The following DLG2 variants were observed in gnomAD, a reference collection of about 807,000 sequenced individuals.
The protein encoded by DLG2 is disks large homolog 2.
A neutral mutation model predicts 132.5 loss-of-function variants in DLG2; 45 were observed. The observed-to-expected ratio is 0.34, with a 90% CI of 0.27 to 0.44. The LOEUF (loss-of-function observed/expected upper bound fraction) is 0.44. DLG2 is among the 20% of genes least tolerant of loss of function. The pLI is 1.00. For missense variants in DLG2, 1,045 were observed against 1,196.9 expected (o/e 0.87, Z 1.87); for synonymous variants, 424 against 419.6 (o/e 1.01, Z -0.13).
At chr11:84,008,123 CTTATA>C (rs2094670033) in intron 11 of DLG2, among the ~76,000 whole-genome samples, 1 of 151,680 alleles carries the variant, frequency 6.6e-6, no homozygotes. Flanking sequence ...CATCTATTCT[CTTATA>C]TTTTATTTCT....
At chr11:84,246,364 T>TTATTAGCTG (rs1253500695) in intron 8 of DLG2, among the ~76,000 whole-genome samples, 3 of 152,224 alleles carry the variant, frequency 2.0e-5, no homozygotes, top group Non-Finnish European at 4.4e-5. Context: ...CTTTATTCAC[T>TTATTAGCTG]TATTAGCTGT....
chr11:83,682,528 G>A (rs1371620807), intron 18 of DLG2: 15 of 833,326 alleles, frequency 1.8e-5, no homozygotes, highest in African/African-American at 3.7e-5. Flanking sequence ...TCCTCTGCTC[G>A]TGTTCCCCTA....
In DLG2 at chr11:84,612,993, G is replaced by A. The variant is rs184083631; in HGVS notation, c.358-78262C>T. Reference sequence around the variant, plus strand: ...ATGTCTTTATAAAATGGGGTACACAGTTGGAACCTCACGAATTTCTAAATG... The same window carrying A: ...ATGTCTTTATAAAATGGGGTACACAATTGGAACCTCACGAATTTCTAAATG... On this transcript the variant is annotated intron_variant, in intron 6 of 27. Coordinates refer to ENST00000376104, the MANE Select transcript of DLG2 (RefSeq NM_001142699.3). Among the ~76,000 whole-genome samples the A allele has an allele frequency of 4.6e-5, 7 of 152,260 alleles. No homozygotes were observed. In the East Asian group the frequency reaches 1.4e-3, roughly 29 times the overall value.
chr11:84,709,415 T>G (rs2060127470), intron 6 of DLG2, among the ~76,000 whole-genome samples: 1 of 151,974 alleles, frequency 6.6e-6, no homozygotes, highest in Non-Finnish European at 1.5e-5. Flanking sequence ...GAAAGAAAAC[T>G]AATATTTATT....
At chr11:85,417,953 T>A (rs1167897456) in intron 3 of DLG2, among the ~76,000 whole-genome samples, 1 of 152,170 alleles carries the variant, frequency 6.6e-6, no homozygotes, top group African/African-American at 2.4e-5. Context: ...TCTGCTCTGA[T>A]CCTAGTTATT....
chr11:84,476,963 T>A (rs2099123348), intron 7 of DLG2, among the ~76,000 whole-genome samples: 1 of 152,110 alleles, frequency 6.6e-6, no homozygotes, highest in Non-Finnish European at 1.5e-5. Flanking sequence ...CACTAAGATT[T>A]GGGGAAATAC....
At chr11:83,704,262 C>T (rs2083473913) in intron 18 of DLG2, among the ~76,000 whole-genome samples, 1 of 152,054 alleles carries the variant, frequency 6.6e-6, no homozygotes, top group African/African-American at 2.4e-5. Flanking sequence ...TTGTTAAATG[C>T]TTATGCTATA....
At chr11:84,342,408 A>G (rs547513640) in intron 7 of DLG2, among the ~76,000 whole-genome samples, 1 of 152,308 alleles carries the variant, frequency 6.6e-6, no homozygotes, top group East Asian at 1.9e-4. Flanking sequence ...AACTATTGCC[A>G]TTTATTTCCC....
Position 85,561,354 on chromosome 11 carries a change from AAAAAAAAAAAAAAAT to A in DLG2, c.40+37288_40+37302del, listed in dbSNP as rs1279840470. Among the ~76,000 whole-genome samples the A allele has an allele frequency of 2.3e-4, 34 of 145,658 alleles. 1 individual carries two copies. Among genetic ancestry groups the A allele is most frequent in the African/African-American group, 6.7e-4 (26 of 38,606 alleles). Reference sequence around the variant, plus strand: ...CTCAAAAAAAAAAAAAAAAAAAAAAAAAAAAAAAAAAAAATAGCTGTGTAAACTTTCATTTTTCTT... The same window carrying A: ...CTCAAAAAAAAAAAAAAAAAAAAAAAAGCTGTGTAAACTTTCATTTTTCTT... On this transcript the variant is annotated intron_variant, in intron 3 of 27. Transcript: ENST00000376104.
At chr11:85,079,484 ATT>A (rs35913627) in intron 6 of DLG2, among the ~76,000 whole-genome samples, 50,441 of 137,526 alleles carry the variant, frequency 0.37, 8,648 homozygotes, top group South Asian at 0.53. Context: ...GAGGCTTAGA[ATT>A]TTTTTTTTTT....
At chr11:84,543,252 G>T (rs2099382323) in intron 6 of DLG2, among the ~76,000 whole-genome samples, 1 of 152,070 alleles carries the variant, frequency 6.6e-6, no homozygotes, top group Admixed American at 6.6e-5. Flanking sequence ...GCAAATCTGG[G>T]GGTGGAGGTA....
intron 3 of DLG2, among the ~76,000 whole-genome samples, chr11:85,423,527 T>C (rs988160162): frequency 6.6e-6 from 1 of 151,438 alleles, no homozygotes; most frequent in Non-Finnish European, 1.5e-5. Flanking sequence ...GTTAACAGGG[T>C]GGGTAGGGAA....
intron 14 of DLG2, among the ~76,000 whole-genome samples, chr11:83,959,100 T>G (rs187287495): frequency 5.9e-5 from 9 of 152,284 alleles, no homozygotes; most frequent in African/African-American, 1.9e-4. Context: ...AGGGACTCAG[T>G]GAGCATGCTA....
At chr11:84,352,982 GAA>G (rs2098588752) in intron 7 of DLG2, among the ~76,000 whole-genome samples, 1 of 152,064 alleles carries the variant, frequency 6.6e-6, no homozygotes, top group Non-Finnish European at 1.5e-5. Flanking sequence ...TCTGTCTTCA[GAA>G]TTTTCAAGTT....
chr11:83,747,516 C>T (rs556615774), intron 18 of DLG2, among the ~76,000 whole-genome samples: 4 of 152,028 alleles, frequency 2.6e-5, no homozygotes, highest in African/African-American at 7.2e-5. Context: ...TACAGGTGGA[C>T]GCCAACACAC....
intron 6 of DLG2, among the ~76,000 whole-genome samples, chr11:84,832,438 C>T (rs1318577770): frequency 1.3e-5 from 2 of 151,638 alleles, no homozygotes; most frequent in African/African-American, 4.8e-5. Context: ...AGTGGCCTTT[C>T]TTGACTTCCA....
intron 6 of DLG2, among the ~76,000 whole-genome samples, chr11:84,838,699 A>G (rs1401589106): frequency 6.6e-6 from 1 of 152,112 alleles, no homozygotes; most frequent in African/African-American, 2.4e-5. Context: ...TATGCAAATC[A>G]ACAAACGTAA....
intron 16 of DLG2, among the ~76,000 whole-genome samples, chr11:83,835,055 G>A (rs575988258): frequency 6.6e-6 from 1 of 152,266 alleles, no homozygotes; most frequent in South Asian, 2.1e-4. Flanking sequence ...GCCTTATTAT[G>A]AGGAAAGGTG....
At chr11:84,687,889 A>G (rs2099739487) in intron 6 of DLG2, among the ~76,000 whole-genome samples, 1 of 152,194 alleles carries the variant, frequency 6.6e-6, no homozygotes, top group African/African-American at 2.4e-5. Flanking sequence ...ACTAATTGAA[A>G]ACTAAGGATG....
Sources: gnomAD v4.1 joint callset for allele counts (sites outside exome capture counted in the v4.1 genomes callset) on GRCh38, gnomAD v4.1.1 for gene constraint, MANE v1.5 for transcripts, NCBI Gene and HGNC (gene_info 2026-07-23, HGNC 2026-07-21) for gene names.